Variants in DUSP29 observed in about 807,000 individuals in gnomAD.
DUSP29 encodes the protein atypical dual-specific protein phosphatase.
A neutral mutation model predicts 13.5 loss-of-function variants in DUSP29; 12 were observed. The observed-to-expected ratio is 0.89, with a 90% CI of 0.57 to 1.44. DUSP29 has a LOEUF of 1.44. Among genes scored for constraint, DUSP29 ranks in the 40% most tolerant of loss-of-function variants. DUSP29 has a pLI of 0.00. For missense variants in DUSP29, 308 were observed against 301.1 expected, an observed-to-expected ratio of 1.02 and a Z score of -0.17; for synonymous variants, 134 against 128.7, an observed-to-expected ratio of 1.04 and a Z score of -0.28.
At position 75,043,978 on chromosome 10, in the gene DUSP29, C is replaced by T; in HGVS notation, c.240G>A (p.Gly80=). The change falls in exon 3 of 4, where the codon GGG becomes GGA. Residue 80 remains glycine, a synonymous_variant. Transcript: ENST00000338487. ...GGGCCGCGTTCAGCACGTGCGTGAA[C>T]CCCGCCTTCTGCAGCCTATAGCGGT... ...ALDRYRLQKA[G]FTHVLNAAHG... is the part of the protein sequence containing the mutation. 2.5e-6 allele frequency: 4 copies of T among 1,612,858 alleles called. No homozygotes were observed. The highest frequency in any genetic ancestry group is 3.4e-6 in the Non-Finnish European group (4 of 1,179,928).
chr10:75,070,067 AAGAAAGGAAGGAAGG>A (rs1589871228), intron 1 of DUSP29, among the ~76,000 whole-genome samples: 1 of 123,674 alleles, frequency 8.1e-6, no homozygotes, highest in Admixed American at 8.7e-5. Context: ...AGAAAGAAAG[AAGAAAGGAAGGAAGG>A]AAGGAAGGAA....
chr10:75,071,999 G>A (rs1307199605), intron 1 of DUSP29, among the ~76,000 whole-genome samples: 1 of 152,208 alleles, frequency 6.6e-6, no homozygotes, highest in Non-Finnish European at 1.5e-5. Context: ...CAGAGCGGTT[G>A]GAGGAGAAGA....
intron 2 of DUSP29, among the ~76,000 whole-genome samples, chr10:75,044,903 G>A (rs761332421): frequency 6.6e-6 from 1 of 152,174 alleles, no homozygotes; most frequent in African/African-American, 2.4e-5. Context: ...AGGCAAGCGC[G>A]GGCCAAGCCA....
chr10:75,052,300 C>CT lies in DUSP29; in HGVS notation c.200+6014dup, dbSNP rs751523419. Among the ~76,000 whole-genome samples the CT allele has an allele frequency of 9.2e-3, 1,149 of 124,896 alleles. 22 individuals carry two copies. The highest frequency in any genetic ancestry group is 0.024 in the African/African-American group (756 of 32,042). The allele number at this position is 124,896 out of a possible 152,430, so 81.9% of individuals were successfully genotyped here. On this transcript the variant is annotated intron_variant, in intron 2 of 3. Coordinates refer to ENST00000338487, the MANE Select transcript of DUSP29 (RefSeq NM_001003892.3). ...TAACTATAATATTTGCATTTGTCTA[C>CT]TTTTTTTTTTTTTTTTTTTTTTCTT...
intron 1 of DUSP29, among the ~76,000 whole-genome samples, chr10:75,068,628 C>A (rs1847254736): frequency 6.6e-6 from 1 of 152,122 alleles, no homozygotes; most frequent in South Asian, 2.1e-4. Flanking sequence ...CATGACACCA[C>A]CCAAGTTGGG....
intron 3 of DUSP29, among the ~76,000 whole-genome samples, chr10:75,040,113 T>A (rs1846552374): frequency 6.6e-6 from 1 of 151,524 alleles, no homozygotes; most frequent in African/African-American, 2.4e-5. Context: ...GAGGTGGAGG[T>A]TGCAGTGAGT....
At chr10:75,051,241 G>A (rs917193358) in intron 2 of DUSP29, among the ~76,000 whole-genome samples, 1 of 152,234 alleles carries the variant, frequency 6.6e-6, no homozygotes, top group Non-Finnish European at 1.5e-5. Context: ...GCAAGGCACA[G>A]TGACTGTGCT....
At chr10:75,059,706 T>A (rs982497678) in intron 1 of DUSP29, among the ~76,000 whole-genome samples, 1 of 151,890 alleles carries the variant, frequency 6.6e-6, no homozygotes, top group African/African-American at 2.4e-5. Context: ...ATGCAGAGAA[T>A]GTAGGAAAGG....
chr10:75,070,737 G>A (rs1207718729), intron 1 of DUSP29, among the ~76,000 whole-genome samples: 2 of 152,152 alleles, frequency 1.3e-5, no homozygotes, highest in Admixed American at 6.5e-5. Context: ...TGTCCTGTGG[G>A]TGACAGGACC....
chr10:75,059,273 C>G (rs559662301), intron 1 of DUSP29, among the ~76,000 whole-genome samples: 1 of 152,154 alleles, frequency 6.6e-6, no homozygotes, highest in East Asian at 1.9e-4. Flanking sequence ...TTGTTAGGCT[C>G]TGCCAGTGGA....
chr10:75,063,701 G>A (rs894182637), intron 1 of DUSP29, among the ~76,000 whole-genome samples: 1 of 151,908 alleles, frequency 6.6e-6, no homozygotes, highest in African/African-American at 2.4e-5. Flanking sequence ...GTGCTCCCGG[G>A]AGCACCTCTC....
intron 2 of DUSP29, among the ~76,000 whole-genome samples, chr10:75,047,699 A>C (rs1275368487): frequency 1.3e-5 from 2 of 152,222 alleles, no homozygotes; most frequent in Non-Finnish European, 2.9e-5. Flanking sequence ...ACAATCCTAG[A>C]TGTGATCAGT....
intron 2 of DUSP29, among the ~76,000 whole-genome samples, chr10:75,056,657 A>G (rs1846965459): frequency 2.7e-5 from 4 of 150,368 alleles, no homozygotes. Context: ...ACAGAGGGAG[A>G]CTCCATCTCA....
intron 2 of DUSP29, among the ~76,000 whole-genome samples, chr10:75,054,769 G>A (rs4746255): frequency 0.7 from 106,815 of 152,082 alleles, 39,514 homozygotes; most frequent in East Asian, 1. Context: ...ATACAGCCCT[G>A]TGAGGAAGGT....
At chr10:75,048,844 A>C (rs1846761458) in intron 2 of DUSP29, among the ~76,000 whole-genome samples, 1 of 152,200 alleles carries the variant, frequency 6.6e-6, no homozygotes, top group South Asian at 2.1e-4. Flanking sequence ...CTCCGTGTTG[A>C]GGCACCTGAG....
Position 75,068,298 on chromosome 10 carries a change from C to A in DUSP29, c.-35+5271G>T, listed in dbSNP as rs560163802. On this transcript the variant is annotated intron_variant, in intron 1 of 3. Transcript: ENST00000338487. ...CCAGCCTGGGCAACATGATGAGACT[C>A]CCATTTCTACAAAAGATAGAGAAAA... 2.2e-4 allele frequency among the ~76,000 whole-genome samples: 34 copies of A among 152,098 alleles called. 1 individual carries two copies. In the South Asian group the frequency reaches 6.8e-3, roughly 31 times the overall value.
chr10:75,067,932 C>T (rs899656783), intron 1 of DUSP29, among the ~76,000 whole-genome samples: 5 of 152,282 alleles, frequency 3.3e-5, no homozygotes, highest in African/African-American at 9.6e-5. Flanking sequence ...CCTGCCTCAG[C>T]CTCCAGGGTA....
At chr10:75,041,269 GC>G (rs1382515729) in intron 3 of DUSP29, among the ~76,000 whole-genome samples, 1 of 152,212 alleles carries the variant, frequency 6.6e-6, no homozygotes, top group Non-Finnish European at 1.5e-5. Context: ...GGTTGCTCTG[GC>G]CACTCAGGGC....
At chr10:75,053,897 GAAT>G (rs1846898594) in intron 2 of DUSP29, among the ~76,000 whole-genome samples, 1 of 152,156 alleles carries the variant, frequency 6.6e-6, no homozygotes, top group African/African-American at 2.4e-5. Flanking sequence ...TGTAAAATGG[GAAT>G]AATATTTGTA....
Sources: allele counts gnomAD v4.1 joint callset (sites outside exome capture counted in the v4.1 genomes callset), GRCh38; gene constraint gnomAD v4.1.1; transcripts MANE v1.5; gene names NCBI Gene and HGNC (gene_info 2026-07-23, HGNC 2026-07-21).